NDUFV2: variants seen among roughly 807,000 people sequenced by gnomAD.
The protein encoded by NDUFV2 is NADH dehydrogenase [ubiquinone] flavoprotein 2, mitochondrial.
Under a neutral mutation model 31.6 loss-of-function variants are expected in NDUFV2, and 18 were observed. The ratio of observed to expected loss-of-function variants is 0.57; its 90% CI spans 0.39 to 0.84. The LOEUF is 0.84. NDUFV2 is among the 40% of genes least tolerant of loss of function. The pLI, the probability that NDUFV2 is intolerant of heterozygous loss-of-function variation, is 0.00. For synonymous variants in NDUFV2, 83 were observed against 99.8 expected, an observed-to-expected ratio of 0.83 and a Z score of 1.01; for missense variants, 314 against 303.6, an observed-to-expected ratio of 1.03 and a Z score of -0.26.
chr18:9,134,086 AAT>A, intron 7 of NDUFV2, 98 bp from the exon 8 acceptor site: 2 of 828,326 alleles, frequency 2.4e-6, no homozygotes. Flanking sequence ...TTAGGGTAAA[AAT>A]AGTTACTTAA....
chr18:9,125,139 A>C, intron 6 of NDUFV2, 156 bp downstream of exon 6: 1 of 810,154 alleles, frequency 1.2e-6, no homozygotes, highest in Non-Finnish European at 1.9e-6. Flanking sequence ...TTCTTTAAAC[A>C]TTTTTGCATT....
intron 7 of NDUFV2, among the ~76,000 whole-genome samples, chr18:9,129,703 G>C (rs1331337871): frequency 6.6e-6 from 1 of 152,164 alleles, no homozygotes; most frequent in African/African-American, 2.4e-5. Context: ...GGATGTATCA[G>C]GGTCCTGGAA....
intron 1 of NDUFV2, among the ~76,000 whole-genome samples, chr18:9,109,046 C>G (rs2144730536): frequency 6.6e-6 from 1 of 152,214 alleles, no homozygotes; most frequent in Non-Finnish European, 1.5e-5. Context: ...ATTGCAGACC[C>G]TGACTTTTTT....
chr18:9,118,647 C>T (rs2077911425), intron 2 of NDUFV2, among the ~76,000 whole-genome samples: 1 of 152,074 alleles, frequency 6.6e-6, no homozygotes, highest in Non-Finnish European at 1.5e-5. Context: ...ACCACACATA[C>T]ATAACATTAA....
intron 1 of NDUFV2, chr18:9,103,320 A>T: frequency 2.5e-6 from 1 of 395,696 alleles, no homozygotes; most frequent in Non-Finnish European, 4.4e-6. Flanking sequence ...CTGGCTAAAT[A>T]AACGGTATCA....
At chr18:9,113,138 G>A (rs577804384) in intron 1 of NDUFV2, among the ~76,000 whole-genome samples, 1 of 152,170 alleles carries the variant, frequency 6.6e-6, no homozygotes, top group Non-Finnish European at 1.5e-5. Flanking sequence ...TACTTCATAG[G>A]TACATAGGTA....
chr18:9,120,554 A>G (rs557742397), intron 4 of NDUFV2, among the ~76,000 whole-genome samples: 1 of 152,342 alleles, frequency 6.6e-6, no homozygotes, highest in Admixed American at 6.5e-5. Flanking sequence ...AGGCTAGACA[A>G]TCATCTTTCT....
At chr18:9,119,719 A>C in intron 4 of NDUFV2, 129 bp downstream of exon 4, 1 of 770,818 alleles carries the variant, frequency 1.3e-6, no homozygotes. Context: ...AGCCATTTGT[A>C]TGTTTCCTTG....
At position 9,124,926 on chromosome 18, in the gene NDUFV2, G is replaced by A. The variant is rs776310932; in HGVS notation, c.522G>A (p.Val174=). 1.2e-6 allele frequency: 2 copies of A among 1,613,198 alleles called. No individual in the cohort carries two copies. The highest frequency in any genetic ancestry group is 1.7e-6 in the Non-Finnish European group (2 of 1,179,554). The part of the protein sequence containing the change: ...TPDKLFTLIE[V]ECLGACVNAP... Reference sequence around the variant, plus strand: ...ACAAACTTTTCACTCTTATAGAAGTGGAATGTTTAGGGGCCTGTGTGAACG... The same window carrying A: ...ACAAACTTTTCACTCTTATAGAAGTAGAATGTTTAGGGGCCTGTGTGAACG... Residue 174 remains valine, a synonymous_variant, in exon 6 of 8, where the codon GTG becomes GTA. Transcript: ENST00000318388.
At chr18:9,123,463 C>T (rs2077957852) in intron 5 of NDUFV2, among the ~76,000 whole-genome samples, 1 of 151,954 alleles carries the variant, frequency 6.6e-6, no homozygotes, top group South Asian at 2.1e-4. Flanking sequence ...ATTTCTACAG[C>T]ACAATATATA....
At position 9,129,648 on chromosome 18, in the gene NDUFV2, A is replaced by T. The variant is rs1009682364; in HGVS notation, c.656+2741A>T. Among the ~76,000 whole-genome samples the T allele has an allele frequency of 3.9e-5, 6 of 152,138 alleles. No individual in the cohort carries two copies. The South Asian group carries it at 1.2e-3, about 32-fold the overall frequency. Reference sequence around the variant, plus strand: ...TGACCTGAATGAAGAGCTAGAGGGAACCATGTAAAGAGCTGAAGGAACAAT... The same window carrying T: ...TGACCTGAATGAAGAGCTAGAGGGATCCATGTAAAGAGCTGAAGGAACAAT... On this transcript the variant is annotated intron_variant, in intron 7 of 7. Transcript: ENST00000318388.
chr18:9,106,415 GTTA>G (rs1477504864), intron 1 of NDUFV2, among the ~76,000 whole-genome samples: 3 of 152,184 alleles, frequency 2.0e-5, no homozygotes, highest in Admixed American at 2.0e-4. Flanking sequence ...AGAGTTTATA[GTTA>G]TTATTCAGTG....
At chr18:9,131,033 TAGCCTGC>T (rs1422976518) in intron 7 of NDUFV2, among the ~76,000 whole-genome samples, 1 of 152,220 alleles carries the variant, frequency 6.6e-6, no homozygotes, top group African/African-American at 2.4e-5. Context: ...ACTTTACTCA[TAGCCTGC>T]AGTTGTCTGA....
chr18:9,124,585 A>C (rs2077971326), intron 5 of NDUFV2, among the ~76,000 whole-genome samples: 1 of 151,266 alleles, frequency 6.6e-6, no homozygotes, highest in African/African-American at 2.4e-5. Flanking sequence ...AGTAGGTGGC[A>C]CTACAGGTGC....
At chr18:9,128,338 C>T (rs1380633329) in intron 7 of NDUFV2, among the ~76,000 whole-genome samples, 1 of 152,132 alleles carries the variant, frequency 6.6e-6, no homozygotes, top group Non-Finnish European at 1.5e-5. Flanking sequence ...TAATAATACC[C>T]TACTTAATGA....
chr18:9,105,715 C>T (rs1489104761), intron 1 of NDUFV2, among the ~76,000 whole-genome samples: 1 of 152,126 alleles, frequency 6.6e-6, no homozygotes, highest in African/African-American at 2.4e-5. Flanking sequence ...TGGACTTAAT[C>T]GAGGAGCATG....
intron 6 of NDUFV2, 78 bp from the exon 7 acceptor site, chr18:9,126,753 A>G (rs1463318859): frequency 5.4e-6 from 7 of 1,302,970 alleles, no homozygotes; most frequent in Non-Finnish European, 7.7e-6. Flanking sequence ...TGGGCAACAT[A>G]GTGAGACCTT....
intron 1 of NDUFV2, 58 bp from the exon 2 acceptor site, chr18:9,117,780 T>A (rs1268440117): frequency 5.3e-5 from 51 of 959,368 alleles, no homozygotes; most frequent in Non-Finnish European, 3.4e-6. Flanking sequence ...AGTATTTCTT[T>A]ATGAAAAATT....
intron 1 of NDUFV2, chr18:9,104,303 T>C: frequency 6.2e-7 from 1 of 1,609,316 alleles, no homozygotes; most frequent in Non-Finnish European, 8.5e-7. Flanking sequence ...TACTAAAGAA[T>C]TTGATTTTAG....
Sources: gnomAD v4.1 joint callset for allele counts (sites outside exome capture counted in the v4.1 genomes callset) on GRCh38, gnomAD v4.1.1 for gene constraint, MANE v1.5 for transcripts, NCBI Gene and HGNC (gene_info 2026-07-23, HGNC 2026-07-21) for gene names.